The following LRFN2 variants were observed in gnomAD, a reference collection of about 807,000 sequenced individuals.
LRFN2 encodes leucine rich repeat and fibronectin type III domain containing 2, also known as leucine-rich repeat and fibronectin type-III domain-containing protein 2.
In LRFN2, 18 loss-of-function variants were observed where a neutral mutation model predicts 37.3. The observed-to-expected ratio is 0.48, with a 90% CI of 0.33 to 0.72. The LOEUF (loss-of-function observed/expected upper bound fraction) is 0.72. LRFN2 is among the 30% of genes least tolerant of loss of function. The pLI, the probability that LRFN2 is intolerant of heterozygous loss-of-function variation, is 0.02. For synonymous variants in LRFN2, 556 were observed against 466.6 expected (o/e 1.19, Z -2.47); for missense variants, 1,006 against 1,060.7 (o/e 0.95, Z 0.72).
chr6:40,508,806 G>A (rs897695452), intron 1 of LRFN2, among the ~76,000 whole-genome samples: 6 of 152,156 alleles, frequency 3.9e-5, no homozygotes, highest in African/African-American at 9.7e-5. Context: ...AGTCTTACCC[G>A]AAGCCTGGGC....
At position 40,432,847 on chromosome 6, in the gene LRFN2, G is replaced by A; in HGVS notation, c.267C>T (p.Ser89=). 6.2e-7 allele frequency: 1 copy of A among 1,614,236 alleles called. No individual in the cohort carries two copies. ...CCAGAAAGGAAAAGGGCTGGATGTG[G>A]CTGATGGTGTTCCTGGACAGGGTCA... ...VDLTLSRNTI[S]HIQPFSFLDL... Residue 89 remains serine (S), a synonymous_variant, in exon 2 of 3, where the codon AGC becomes AGT. Coordinates refer to ENST00000338305, the MANE Select transcript of LRFN2 (RefSeq NM_020737.3).
At chr6:40,429,122 T>C (rs539539497) in intron 2 of LRFN2, among the ~76,000 whole-genome samples, 17 of 152,208 alleles carry the variant, frequency 1.1e-4, no homozygotes, top group South Asian at 4.2e-4. Flanking sequence ...GTTAGCTGCA[T>C]TTTTTTTATT....
At chr6:40,460,150 G>A (rs954224616) in intron 1 of LRFN2, among the ~76,000 whole-genome samples, 5 of 152,154 alleles carry the variant, frequency 3.3e-5, no homozygotes, top group Admixed American at 3.3e-4. Context: ...CCTCACAGGG[G>A]CTCCTTCCGG....
At chr6:40,585,003 C>A (rs2113802841) in intron 1 of LRFN2, among the ~76,000 whole-genome samples, 1 of 152,202 alleles carries the variant, frequency 6.6e-6, no homozygotes, top group African/African-American at 2.4e-5. Context: ...CCCAGCTCAC[C>A]CTCTCTCAGG....
At chr6:40,565,512 G>T (rs920405624) in intron 1 of LRFN2, among the ~76,000 whole-genome samples, 3 of 152,306 alleles carry the variant, frequency 2.0e-5, no homozygotes, top group African/African-American at 7.2e-5. Context: ...AACCAAAACA[G>T]CATGGTATTG....
chr6:40,538,820 G>A (rs770628958), intron 1 of LRFN2, among the ~76,000 whole-genome samples: 2 of 152,356 alleles, frequency 1.3e-5, no homozygotes, highest in African/African-American at 2.4e-5. Context: ...TGAGTCCTGC[G>A]AGCACAGTGT....
intron 1 of LRFN2, among the ~76,000 whole-genome samples, chr6:40,484,322 C>A (rs1764902479): frequency 6.6e-6 from 1 of 152,192 alleles, no homozygotes; most frequent in African/African-American, 2.4e-5. Flanking sequence ...AGCGGCTAGT[C>A]TCTAATTTTC....
intron 1 of LRFN2, among the ~76,000 whole-genome samples, chr6:40,554,981 C>T (rs1391469461): frequency 1.3e-5 from 2 of 152,140 alleles, no homozygotes; most frequent in African/African-American, 2.4e-5. Context: ...AAGAAAAGAC[C>T]TTTTCCATGC....
chr6:40,463,916 C>CATCACA (rs1764402116), intron 1 of LRFN2, among the ~76,000 whole-genome samples: 1 of 152,080 alleles, frequency 6.6e-6, no homozygotes. Flanking sequence ...GGGCTCATGC[C>CATCACA]ATCACACCAT....
intron 1 of LRFN2, among the ~76,000 whole-genome samples, chr6:40,503,625 C>A (rs1765449303): frequency 6.6e-6 from 1 of 152,098 alleles, no homozygotes; most frequent in Admixed American, 6.5e-5. Flanking sequence ...TGTAGATAAT[C>A]CACATATGGG....
At chr6:40,545,283 A>G (rs2395747) in intron 1 of LRFN2, among the ~76,000 whole-genome samples, 68,726 of 152,038 alleles carry the variant, frequency 0.45, 16,541 homozygotes, top group African/African-American at 0.62. Flanking sequence ...CAGGGTGTAA[A>G]GGGCAGAGCC....
intron 1 of LRFN2, among the ~76,000 whole-genome samples, chr6:40,502,563 G>A (rs1765412479): frequency 1.3e-5 from 2 of 152,304 alleles, no homozygotes; most frequent in East Asian, 1.9e-4. Flanking sequence ...TGTCCTTCCT[G>A]GAACGATGGG....
chr6:40,543,204 C>T (rs759472200), intron 1 of LRFN2, among the ~76,000 whole-genome samples: 2 of 152,226 alleles, frequency 1.3e-5, no homozygotes, highest in African/African-American at 2.4e-5. Flanking sequence ...CTTATTCAGT[C>T]CCTGCTTTAT....
At chr6:40,500,659 T>C (rs1011862826) in intron 1 of LRFN2, among the ~76,000 whole-genome samples, 2 of 152,198 alleles carry the variant, frequency 1.3e-5, no homozygotes, top group Non-Finnish European at 2.9e-5. Context: ...CATCAGGCAT[T>C]GGGTGAGTAA....
intron 1 of LRFN2, among the ~76,000 whole-genome samples, chr6:40,488,581 G>A (rs1297572565): frequency 6.6e-6 from 1 of 152,142 alleles, no homozygotes; most frequent in African/African-American, 2.4e-5. Flanking sequence ...CTGCCATTCT[G>A]TCCCTTGACC....
chr6:40,559,400 G>C (rs1386478067), intron 1 of LRFN2, among the ~76,000 whole-genome samples: 3 of 152,162 alleles, frequency 2.0e-5, no homozygotes, highest in African/African-American at 7.2e-5. Flanking sequence ...TGCCTAGAGT[G>C]GATCTAAGGA....
At chr6:40,511,337 A>G (rs74969521) in intron 1 of LRFN2, among the ~76,000 whole-genome samples, 7,446 of 152,254 alleles carry the variant, frequency 0.049, 300 homozygotes, top group African/African-American at 0.092. Flanking sequence ...AATTTTTTGT[A>G]TCCCTAAGAA....
chr6:40,455,411 C>T lies in LRFN2; in HGVS notation c.-18-22280G>A, dbSNP rs192924712. Among the ~76,000 whole-genome samples, 97 of 152,290 alleles carry T rather than the reference C, an allele frequency of 6.4e-4. 1 individual carries two copies. In the East Asian group the frequency reaches 0.019, roughly 29 times the overall value. On this transcript the variant is annotated intron_variant, in intron 1 of 2. Coordinates refer to ENST00000338305, the MANE Select transcript of LRFN2 (RefSeq NM_020737.3). ...ATTCCATGTGGGGTCTGGCATAAGC[C>T]CCCACACCACCTTGTGGCATGAGAT...
intron 1 of LRFN2, chr6:40,502,341 G>C (rs1175607651): frequency 6.6e-6 from 1 of 152,244 alleles, no homozygotes; most frequent in Admixed American, 6.5e-5. Flanking sequence ...GAGGATTGAA[G>C]GGAGGGAGGA....
Sources: allele counts gnomAD v4.1 joint callset (sites outside exome capture counted in the v4.1 genomes callset), GRCh38; gene constraint gnomAD v4.1.1; transcripts MANE v1.5; gene names NCBI Gene and HGNC (gene_info 2026-07-23, HGNC 2026-07-21).